Variants in PRKG1 observed in about 807,000 individuals in gnomAD.
The protein encoded by PRKG1 is cGMP-dependent protein kinase 1.
Under a neutral mutation model 88.1 loss-of-function variants are expected in PRKG1, and 35 were observed. The observed-to-expected ratio is 0.40, with a 90% CI of 0.30 to 0.53. The LOEUF is 0.53. PRKG1 is among the 20% of genes least tolerant of loss of function. The pLI is 0.59. For missense variants in PRKG1, 540 were observed against 839.8 expected (o/e 0.64, Z 4.41); for synonymous variants, 303 against 292.5 (o/e 1.04, Z -0.37).
intron 3 of PRKG1, among the ~76,000 whole-genome samples, chr10:51,658,775 A>G (rs775433288): frequency 6.6e-5 from 10 of 152,060 alleles, no homozygotes; most frequent in Non-Finnish European, 1.3e-4. Flanking sequence ...TTTTTCTTCT[A>G]CGGTTTTCAG....
rs576383849 is a variant in PRKG1, at chr10:52,204,288, G to T, written c.1076+42325G>T. Among the ~76,000 whole-genome samples the T allele has an allele frequency of 1.1e-4, 16 of 152,088 alleles. No homozygotes were observed. The South Asian group carries it at 2.7e-3, about 26-fold the overall frequency. On this transcript the variant is annotated intron_variant, in intron 9 of 17. Coordinates refer to ENST00000373980, the MANE Select transcript of PRKG1 (RefSeq NM_006258.4). ...ATTTTTTATTTTTAGTAGAGACCAT[G>T]TTGGCCAGGCTGGTCTCAAACTCCT...
At chr10:52,097,127 G>A (rs1281314654) in intron 7 of PRKG1, among the ~76,000 whole-genome samples, 4 of 152,136 alleles carry the variant, frequency 2.6e-5, no homozygotes, top group Admixed American at 6.6e-5. Context: ...TTAAGATACA[G>A]AATTGAAATT....
intron 4 of PRKG1, among the ~76,000 whole-genome samples, chr10:51,884,174 C>T (rs1219957293): frequency 6.6e-5 from 10 of 151,492 alleles, no homozygotes; most frequent in African/African-American, 1.7e-4. Context: ...TGGCCGGGCG[C>T]GGTGGCTCAC....
chr10:51,862,111 T>C (rs1158291008), intron 4 of PRKG1, among the ~76,000 whole-genome samples: 2 of 152,242 alleles, frequency 1.3e-5, no homozygotes, highest in Non-Finnish European at 2.9e-5. Flanking sequence ...GTTACAGTTC[T>C]GTCTCATTCC....
intron 2 of PRKG1, among the ~76,000 whole-genome samples, chr10:51,189,231 A>G (rs1304882588): frequency 6.6e-6 from 1 of 151,892 alleles, no homozygotes; most frequent in African/African-American, 2.4e-5. Flanking sequence ...AGCAAACTGA[A>G]TTTCCAGGTT....
intron 2 of PRKG1, among the ~76,000 whole-genome samples, chr10:51,226,349 G>A (rs373671368): frequency 1.1e-4 from 16 of 152,136 alleles, no homozygotes; most frequent in Non-Finnish European, 1.8e-4. Flanking sequence ...CAAACTTTAC[G>A]TTGTTGTTGT....
chr10:51,699,064 T>C, intron 3 of PRKG1: 1 of 1,614,216 alleles, frequency 6.2e-7, no homozygotes, highest in Non-Finnish European at 8.5e-7. Context: ...GATTTTGAAG[T>C]AACATGTTTC....
chr10:51,219,926 T>C (rs1838483981), intron 2 of PRKG1, among the ~76,000 whole-genome samples: 1 of 152,080 alleles, frequency 6.6e-6, no homozygotes, highest in East Asian at 1.9e-4. Context: ...GAATATGATG[T>C]GATCTCGCTC....
At chr10:51,473,074 G>A (rs544808913) in intron 3 of PRKG1, among the ~76,000 whole-genome samples, 1 of 152,026 alleles carries the variant, frequency 6.6e-6, no homozygotes, top group Admixed American at 6.6e-5. Context: ...GCATCTTGGG[G>A]AAGTTGTTAC....
chr10:51,847,541 A>C (rs1204542380), intron 4 of PRKG1, among the ~76,000 whole-genome samples: 2 of 151,900 alleles, frequency 1.3e-5, no homozygotes, highest in Non-Finnish European at 2.9e-5. Flanking sequence ...GATTTAAATA[A>C]AATTTTATTA....
chr10:51,074,387 A>G, upstream of PRKG1: 1 of 1,350,050 alleles, frequency 7.4e-7, no homozygotes, highest in Non-Finnish European at 9.9e-7. Context: ...GCCAGCCCAG[A>G]GAAGTGGAAT....
At chr10:51,305,139 G>A (rs1047488100) in intron 2 of PRKG1, among the ~76,000 whole-genome samples, 1 of 152,066 alleles carries the variant, frequency 6.6e-6, no homozygotes, top group African/African-American at 2.4e-5. Context: ...GCATCCTATA[G>A]GAGCATAATC....
intron 3 of PRKG1, among the ~76,000 whole-genome samples, chr10:51,617,905 AC>A (rs1839103073): frequency 6.6e-6 from 1 of 152,180 alleles, no homozygotes; most frequent in African/African-American, 2.4e-5. Context: ...AAGAGGTTAA[AC>A]CTTTATCCAG....
intron 17 of PRKG1, among the ~76,000 whole-genome samples, chr10:52,291,623 G>C (rs1305628897): frequency 1.3e-5 from 2 of 152,012 alleles, no homozygotes; most frequent in Non-Finnish European, 2.9e-5. Context: ...TGGTGTATAC[G>C]TGCCACATTT....
intron 7 of PRKG1, among the ~76,000 whole-genome samples, chr10:52,079,583 T>A (rs1482435815): frequency 6.6e-6 from 1 of 152,112 alleles, no homozygotes; most frequent in Non-Finnish European, 1.5e-5. Context: ...GCACAGCAGT[T>A]GTGTGTATCC....
At chr10:51,177,628 T>C (rs1837229973) in intron 2 of PRKG1, among the ~76,000 whole-genome samples, 1 of 152,244 alleles carries the variant, frequency 6.6e-6, no homozygotes, top group African/African-American at 2.4e-5. Context: ...TCCAACCAAA[T>C]AATTGTGAAT....
chr10:51,718,389 G>C (rs987388491), intron 3 of PRKG1, among the ~76,000 whole-genome samples: 61 of 152,232 alleles, frequency 4.0e-4, no homozygotes, highest in African/African-American at 1.4e-3. Flanking sequence ...ACTGTGGGCC[G>C]GGGAAGGCGA....
intron 4 of PRKG1, among the ~76,000 whole-genome samples, chr10:51,832,296 G>A (rs1487387934): frequency 6.6e-6 from 1 of 152,130 alleles, no homozygotes; most frequent in African/African-American, 2.4e-5. Flanking sequence ...CCTCAAAGGA[G>A]GGAAACTGAT....
chr10:51,663,956 A>C (rs1398910830), intron 3 of PRKG1, among the ~76,000 whole-genome samples: 1 of 152,092 alleles, frequency 6.6e-6, no homozygotes, highest in Non-Finnish European at 1.5e-5. Context: ...CAAAAGATAG[A>C]AACTGAATTT....
Sources: gnomAD v4.1 joint callset for allele counts (sites outside exome capture counted in the v4.1 genomes callset) on GRCh38, gnomAD v4.1.1 for gene constraint, MANE v1.5 for transcripts, NCBI Gene and HGNC (gene_info 2026-07-23, HGNC 2026-07-21) for gene names.